The following NOL6 variants were observed in gnomAD, a reference collection of about 807,000 sequenced individuals.
The protein encoded by NOL6 is nucleolar RNA-associated protein.
Under a neutral mutation model 131.7 loss-of-function variants are expected in NOL6, and 33 were observed. The observed-to-expected ratio is 0.25, with a 90% CI of 0.19 to 0.33. NOL6 has a LOEUF of 0.33. NOL6 is among the 10% of genes least tolerant of loss of function. The probability of loss-of-function intolerance (pLI) is 1.00; values close to 1 mark genes in which losing one functional copy is unlikely to be tolerated. For missense variants in NOL6, 1,297 were observed against 1,494.5 expected (o/e 0.87, Z 2.18); for synonymous variants, 580 against 605.7 (o/e 0.96, Z 0.62).
chr9:33,463,688 C>T, intron 23 of NOL6, 143 bp downstream of exon 23: 1 of 925,750 alleles, frequency 1.1e-6, no homozygotes, highest in Non-Finnish European at 1.6e-6. Flanking sequence ...CTCTGCCACC[C>T]CAGGCACCAC....
Position 33,468,149 on chromosome 9 carries a change from G to A in NOL6, c.1309-4C>T, listed in dbSNP as rs1050375612. 15 of 1,614,174 alleles carry A rather than the reference G, an allele frequency of 9.3e-6. No homozygotes were observed. The highest frequency in any genetic ancestry group is 1.3e-5 in the Non-Finnish European group (15 of 1,180,036). Reference sequence around the variant, plus strand: ...ACAGCCGTGCCTCATGCTGTACCTGGAGCCACAGAAGGGACCATCCCTGTG... The same window carrying A: ...ACAGCCGTGCCTCATGCTGTACCTGAAGCCACAGAAGGGACCATCCCTGTG... On this transcript the variant is annotated splice_region_variant and splice_polypyrimidine_tract_variant and intron_variant, in intron 10 of 25. Coordinates refer to ENST00000297990, the MANE Select transcript of NOL6 (RefSeq NM_022917.5).
At chr9:33,468,177 CT>C (rs1460163708) in intron 10 of NOL6, 32 bp from the exon 11 acceptor site, 1 of 1,614,100 alleles carries the variant, frequency 6.2e-7, no homozygotes, top group Non-Finnish European at 8.5e-7. Flanking sequence ...TCCCTGTGCC[CT>C]TCATTGATCC....
Position 33,468,536 on chromosome 9 carries a change from C to T in NOL6, c.1178G>A (p.Ser393Asn). Residue 393 changes from serine (S) to asparagine (N), a missense_variant, in exon 9 of 26, where the codon AGT (serine) becomes AAT (asparagine). Transcript: ENST00000297990. ...ATTDLTVNGISLCLSSDPSLP... is the reference protein window; with the variant it reads ...ATTDLTVNGINLCLSSDPSLP... ...AGAGGGATCTGAGCTGAGACATAAA[C>T]TGATCCCGTTGACTGTCAGGTCTGT... 1.2e-6 allele frequency: 2 copies of T among 1,614,182 alleles called. No homozygotes were observed. Among genetic ancestry groups the T allele is most frequent in the Non-Finnish European group, 1.7e-6 (2 of 1,180,022 alleles).
At chr9:33,469,415 T>C in intron 5 of NOL6, 74 bp from the exon 6 acceptor site, 1 of 1,608,246 alleles carries the variant, frequency 6.2e-7, no homozygotes, top group Non-Finnish European at 8.5e-7. Flanking sequence ...TGTCCCCCCA[T>C]ACTTGAGGCC....
chr9:33,463,622 G>A (rs1348715457), intron 23 of NOL6, among the ~76,000 whole-genome samples, 181 bp from the exon 24 acceptor site: 1 of 152,198 alleles, frequency 6.6e-6, no homozygotes, highest in African/African-American at 2.4e-5. Flanking sequence ...GCATAGCCCG[G>A]CAGAAGGAGC....
rs747467052 is a variant in NOL6 at position 33,466,051 on chromosome 9, T to G, written c.2364+20A>C. 6.4e-7 allele frequency: 1 copy of G among 1,568,718 alleles called. No individual in the cohort carries two copies. The highest frequency in any genetic ancestry group is 1.4e-5 in the African/African-American group (1 of 74,040). On this transcript the variant is annotated intron_variant, in intron 18 of 25. Coordinates refer to ENST00000297990, the MANE Select transcript of NOL6 (RefSeq NM_022917.5). The stretch of plus-strand genomic sequence containing the variant: ...GGTGCCCCCCTTCCCTGGGGACATA[T>G]CTGCCTGCACCAGCCTAACCTTAAG...
At chr9:33,470,231 C>T in intron 3 of NOL6, 40 bp from the exon 4 acceptor site, 1 of 1,468,244 alleles carries the variant, frequency 6.8e-7, no homozygotes, top group Non-Finnish European at 9.1e-7. Flanking sequence ...GATTCAACTG[C>T]CTTCCTCACA....
chr9:33,469,733 G>A (rs1485481340), intron 4 of NOL6, 66 bp from the exon 5 acceptor site: 4 of 1,564,510 alleles, frequency 2.6e-6, no homozygotes, highest in Non-Finnish European at 3.5e-6. Flanking sequence ...GGGCCAAGGT[G>A]AAACCAAGGT....
Position 33,467,465 on chromosome 9 carries a change from G to C in NOL6, c.1654C>G (p.Leu552Val). The C allele has an allele frequency of 6.2e-7, 1 of 1,614,222 alleles. No individual in the cohort carries two copies. The highest frequency in any genetic ancestry group is 8.5e-7 in the Non-Finnish European group (1 of 1,180,036). Residue 552 changes from leucine (L) to valine (V), a missense_variant, in exon 13 of 26, where the codon CTG becomes GTG. Physicochemically the swap from Leu to Val is conservative, Grantham distance 32 (BLOSUM62 1). Transcript: ENST00000297990. The surrounding 1 kb of genome is among the most constrained non-coding windows in gnomAD (Gnocchi z 4.4). ...CCCTCAGGCCGGAGAAGGAGTCCCAGGGTCAGGGTCCCAGAGTCTTTGTGC... is the reference window on the plus strand; with the variant it reads ...CCCTCAGGCCGGAGAAGGAGTCCCACGGTCAGGGTCCCAGAGTCTTTGTGC... ...PKHKDSGTLT[L>V]GLLLRPEGLT...
chr9:33,473,333 G>A (rs1298527567), intron 1 of NOL6, among the ~76,000 whole-genome samples: 2 of 152,230 alleles, frequency 1.3e-5, no homozygotes, highest in Non-Finnish European at 2.9e-5. Context: ...CAAGCGTGCA[G>A]GATCCCAAAC....
At chr9:33,472,466 TG>T in intron 1 of NOL6, 54 bp from the exon 2 acceptor site, 1 of 1,395,108 alleles carries the variant, frequency 7.2e-7, no homozygotes, top group Non-Finnish European at 1.0e-6. Context: ...TAGCATCTGC[TG>T]CCTAAAGTGC....
rs773883210 is a variant in NOL6, at chr9:33,470,005, A to C, written c.558+7T>G. ...TGGGCCTCTATCCCCTAAACCCTGG[A>C]CCTTACCCTGGGCATGGTCAGTGCC... On this transcript the variant is annotated splice_region_variant and intron_variant, in intron 4 of 25. Transcript: ENST00000297990. The C allele has an allele frequency of 6.3e-7, 1 of 1,577,360 alleles. No homozygotes were observed. Among genetic ancestry groups the C allele is most frequent in the Non-Finnish European group, 8.6e-7 (1 of 1,156,662 alleles).
At position 33,461,939 on chromosome 9, in the gene NOL6, G is replaced by A. The variant is rs563980727; in HGVS notation, c.*725C>T. 73 of 537,758 alleles carry A rather than the reference G, an allele frequency of 1.4e-4. No homozygotes were observed. Among genetic ancestry groups the A allele is most frequent in the Non-Finnish European group, 2.0e-4 (59 of 297,296 alleles). 33.3% of individuals were successfully genotyped at this position (537,758 alleles called of 1,614,324 possible). ...AGTAGTGGCAGTTTGTGACATGAAC[G>A]GGCAAACAGCCAGGGCAGATGCAGC... On this transcript the variant is annotated 3_prime_UTR_variant, in exon 26 of 26. Transcript: ENST00000297990.
rs1198209980 is a variant in NOL6 at position 33,467,383 on chromosome 9, G to T, written c.1725+11C>A. 9 of 1,613,724 alleles carry T rather than the reference G, an allele frequency of 5.6e-6. No homozygotes were observed. The highest frequency in any genetic ancestry group is 3.3e-5 in the Admixed American group (2 of 59,978). On this transcript the variant is annotated intron_variant, in intron 13 of 25. Transcript: ENST00000297990. This position sits in a 1 kb window ranked among gnomAD's most constrained non-coding sequence, Gnocchi z 4.4. The stretch of plus-strand genomic sequence containing the variant: ...CCCATTCCTTCCAGTGTACATGCTG[G>T]GGTCCCCCACCTCAGGCTGGTCTGC...
intron 23 of NOL6, 52 bp from the exon 24 acceptor site, chr9:33,463,493 G>A: frequency 6.6e-7 from 1 of 1,514,756 alleles, no homozygotes; most frequent in Non-Finnish European, 9.0e-7. Context: ...CTGAGGAACT[G>A]GACCACAAAC....
Position 33,462,063 on chromosome 9 carries a change from CTTT to C in NOL6, c.*598_*600del. On this transcript the variant is annotated 3_prime_UTR_variant, in exon 26 of 26. Coordinates refer to ENST00000297990, the MANE Select transcript of NOL6 (RefSeq NM_022917.5). ...ACCCAATCCTTTCCTGTCCTCGGTT[CTTT>C]TCCACTGTCTCCACCCTGGGAAGTG... 2.8e-6 allele frequency: 2 copies of C among 704,066 alleles called. No individual in the cohort carries two copies. Among genetic ancestry groups the C allele is most frequent in the Non-Finnish European group, 5.3e-6 (2 of 375,582 alleles). 43.6% of individuals were successfully genotyped at this position (704,066 alleles called of 1,614,324 possible). A position where few individuals can be genotyped will look rare whatever the true frequency, so the allele number is the denominator to read the frequency against.
rs749146880 is a variant in NOL6 at position 33,463,291 on chromosome 9, C to G, written c.3145G>C (p.Val1049Leu). ...AGCTGAGGAGGATCATAGCCCAGCACGGGCATCAGGGATGAGGGCCCCGGC... is the reference window on the plus strand; with the variant it reads ...AGCTGAGGAGGATCATAGCCCAGCAGGGGCATCAGGGATGAGGGCCCCGGC... ...SQPGPSSLMP[V>L]LGYDPPQLYL... The change falls in exon 24 of 26, where the codon GTG becomes CTG. Residue 1049 changes from valine to leucine, a missense_variant. Physicochemically the swap from Val to Leu is conservative, Grantham distance 32. Coordinates refer to ENST00000297990, the MANE Select transcript of NOL6 (RefSeq NM_022917.5). The G allele has an allele frequency of 1.2e-6, 2 of 1,614,046 alleles. No individual in the cohort carries two copies. Among genetic ancestry groups the G allele is most frequent in the East Asian group, 2.2e-5 (1 of 44,888 alleles).
rs2119022094 is a variant in NOL6, at chr9:33,468,044, A to G, written c.1410T>C (p.Phe470=). The change falls in exon 11 of 26, where the codon TTT becomes TTC. Residue 470 remains phenylalanine (F), a synonymous_variant. Transcript: ENST00000297990. ...LMTPKPMIRA[F]DHVLHLRPLS... Reference sequence around the variant, plus strand: ...CCTAAACTCACTGCAGGACATGGTCAAAAGCCCGGATCATGGGTTTGGGAG... The same window carrying G: ...CCTAAACTCACTGCAGGACATGGTCGAAAGCCCGGATCATGGGTTTGGGAG... 1 of 1,614,140 alleles carries G rather than the reference A, an allele frequency of 6.2e-7. No individual in the cohort carries two copies. Among genetic ancestry groups the G allele is most frequent in the South Asian group, 1.1e-5 (1 of 91,082 alleles).
In NOL6 at chr9:33,469,010, T is replaced by C. The variant is rs1454389679; in HGVS notation, c.974A>G (p.Lys325Arg). 1 of 1,614,184 alleles carries C rather than the reference T, an allele frequency of 6.2e-7. No homozygotes were observed. Among genetic ancestry groups the C allele is most frequent in the Non-Finnish European group, 8.5e-7 (1 of 1,180,004 alleles). Residue 325 changes from lysine (K) to arginine (R), a missense_variant, in exon 7 of 26, where the codon AAG becomes AGG. By Grantham distance (26) the Lys-to-Arg change is conservative (BLOSUM62 2). Coordinates refer to ENST00000297990, the MANE Select transcript of NOL6 (RefSeq NM_022917.5). ...GACCTTCAGAAGTGCCACGCCATCC[T>C]TCAGGCCCTGGGCTGAACTCAGAAT... is the stretch of plus-strand genomic sequence containing the variant. ...STILSSAQGL[K>R]DGVALLKVWL...
Sources: allele counts gnomAD v4.1 joint callset (sites outside exome capture counted in the v4.1 genomes callset), GRCh38; gene constraint gnomAD v4.1.1; non-coding constraint Gnocchi (gnomAD v3.1); transcripts MANE v1.5; gene names NCBI Gene and HGNC (gene_info 2026-07-23, HGNC 2026-07-21).